Variants in SOX6 observed in about 807,000 individuals in gnomAD.
The protein encoded by SOX6 is transcription factor SOX-6.
In SOX6, 11 loss-of-function variants were observed where a neutral mutation model predicts 97.8. That is an observed-to-expected ratio of 0.11 (90% CI 0.07 to 0.19). The LOEUF is 0.19. Among genes scored for constraint, SOX6 ranks in the 10% least tolerant of loss-of-function variants. The probability of loss-of-function intolerance (pLI) is 1.00; values close to 1 mark genes in which losing one functional copy is unlikely to be tolerated. For missense variants in SOX6, 810 were observed against 1,039.5 expected (o/e 0.78, Z 3.04); for synonymous variants, 360 against 371.4 (o/e 0.97, Z 0.35).
At chr11:16,191,463 A>G (rs1196205108) in intron 4 of SOX6, among the ~76,000 whole-genome samples, 1 of 152,178 alleles carries the variant, frequency 6.6e-6, no homozygotes, top group Admixed American at 6.5e-5. Context: ...TCTCAAAAAC[A>G]AAGAAAAGAA....
At chr11:16,488,707 C>T (rs1265766135) in intron 4 of SOX6, among the ~76,000 whole-genome samples, 1 of 152,128 alleles carries the variant, frequency 6.6e-6, no homozygotes, top group African/African-American at 2.4e-5. Flanking sequence ...TCAACCTTAC[C>T]TTAGGTCTTT....
chr11:16,593,817 T>A (rs569916699), intron 4 of SOX6, among the ~76,000 whole-genome samples: 64 of 152,264 alleles, frequency 4.2e-4, no homozygotes, highest in African/African-American at 1.5e-3. Flanking sequence ...AAATTGTAAA[T>A]GGTAGAACAA....
chr11:16,550,746 A>G (rs1484763836), intron 4 of SOX6, among the ~76,000 whole-genome samples: 1 of 152,184 alleles, frequency 6.6e-6, no homozygotes, highest in East Asian at 1.9e-4. Flanking sequence ...TATGGTTCTT[A>G]CTCTATACAT....
chr11:16,247,467 A>T (rs1360302757), intron 3 of SOX6, among the ~76,000 whole-genome samples: 2 of 152,132 alleles, frequency 1.3e-5, no homozygotes, highest in African/African-American at 4.8e-5. Context: ...GTAATTTATA[A>T]AGAAAACAGC....
intron 1 of SOX6, among the ~76,000 whole-genome samples, chr11:16,452,749 G>C (rs953545644): frequency 6.6e-5 from 10 of 152,004 alleles, no homozygotes; most frequent in Non-Finnish European, 1.3e-4. Flanking sequence ...TGAGGCACAG[G>C]GCAAAAAAAT....
chr11:16,606,001 C>G (rs1036538882), intron 4 of SOX6: 20 of 152,186 alleles, frequency 1.3e-4, no homozygotes, highest in African/African-American at 4.8e-4. Context: ...TGGATCAGCC[C>G]TTGGATGAGG....
chr11:16,011,365 A>G (rs761769406), intron 13 of SOX6, among the ~76,000 whole-genome samples: 10 of 152,122 alleles, frequency 6.6e-5, no homozygotes, highest in East Asian at 1.9e-4. Flanking sequence ...CCCGGCACCA[A>G]TGAATTTGTA....
chr11:16,714,493 G>A (rs11821831), intron 3 of SOX6, among the ~76,000 whole-genome samples: 3,302 of 127,498 alleles, frequency 0.026, 134 homozygotes, highest in African/African-American at 0.093. Context: ...TTGCTCTGTC[G>A]CCAGGCTGGA....
chr11:15,985,421 G>T (rs1409614732), intron 15 of SOX6, among the ~76,000 whole-genome samples: 12 of 151,960 alleles, frequency 7.9e-5, no homozygotes. Flanking sequence ...GCTGCTTCAG[G>T]TCTGTGCCTC....
At chr11:16,576,420 GC>G (rs1847985067) in intron 4 of SOX6, among the ~76,000 whole-genome samples, 1 of 151,994 alleles carries the variant, frequency 6.6e-6, no homozygotes, top group African/African-American at 2.4e-5. Context: ...ATAAGCAATA[GC>G]CCACATGATA....
chr11:16,368,302 T>C (rs1205203087), intron 1 of SOX6, among the ~76,000 whole-genome samples: 1 of 152,098 alleles, frequency 6.6e-6, no homozygotes, highest in Non-Finnish European at 1.5e-5. Context: ...GCCAACATAG[T>C]AAAACCCCAT....
At chr11:16,428,079 A>G (rs1170280526) in intron 1 of SOX6, among the ~76,000 whole-genome samples, 1 of 152,230 alleles carries the variant, frequency 6.6e-6, no homozygotes, top group Non-Finnish European at 1.5e-5. Context: ...TCTGACGGCC[A>G]GTGATGATGA....
intron 9 of SOX6, among the ~76,000 whole-genome samples, chr11:16,073,614 AC>A (rs1848275886): frequency 6.6e-6 from 1 of 152,032 alleles, no homozygotes; most frequent in South Asian, 2.1e-4. Context: ...AGAACCCTCC[AC>A]CCCACAAAAA....
chr11:16,265,489 C>T (rs947632209), intron 3 of SOX6, among the ~76,000 whole-genome samples: 2 of 151,662 alleles, frequency 1.3e-5, no homozygotes, highest in Non-Finnish European at 1.5e-5. Context: ...CAAGACAAAG[C>T]CTAAGAATAT....
intron 4 of SOX6, among the ~76,000 whole-genome samples, chr11:16,507,542 C>A (rs971824367): frequency 1.3e-5 from 2 of 152,096 alleles, no homozygotes; most frequent in Non-Finnish European, 2.9e-5. Context: ...TAAAACAGAA[C>A]AACATGGTAT....
At chr11:16,652,073 T>C (rs758423932) in intron 3 of SOX6, among the ~76,000 whole-genome samples, 1 of 152,108 alleles carries the variant, frequency 6.6e-6, no homozygotes, top group Non-Finnish European at 1.5e-5. Flanking sequence ...GAAAGATCTC[T>C]ACAAGAAAAC....
chr11:16,376,052 T>C (rs1426455129), intron 1 of SOX6, among the ~76,000 whole-genome samples: 2 of 151,982 alleles, frequency 1.3e-5, no homozygotes, highest in African/African-American at 4.8e-5. Context: ...AGGGGAGGGA[T>C]AACATTAGGA....
At chr11:16,319,482 TG>T (rs1855848413) in intron 2 of SOX6, among the ~76,000 whole-genome samples, 1 of 152,020 alleles carries the variant, frequency 6.6e-6, no homozygotes, top group Admixed American at 6.6e-5. Context: ...TCATTTACAT[TG>T]GGTATATCTC....
intron 2 of SOX6, among the ~76,000 whole-genome samples, chr11:16,319,445 T>C (rs1855847161): frequency 1.3e-5 from 2 of 152,150 alleles, no homozygotes; most frequent in Admixed American, 1.3e-4. Flanking sequence ...ACATGTGGCA[T>C]GTTGGTGTGC....
Sources: allele counts gnomAD v4.1 joint callset (sites outside exome capture counted in the v4.1 genomes callset), GRCh38; gene constraint gnomAD v4.1.1; transcripts MANE v1.5; gene names NCBI Gene and HGNC (gene_info 2026-07-23, HGNC 2026-07-21).